SLIT3: variants seen among roughly 807,000 people sequenced by gnomAD.
SLIT3 encodes the protein slit homolog 3 protein.
In SLIT3, 68 loss-of-function variants were observed where a neutral mutation model predicts 184.0. That is an observed-to-expected ratio of 0.37 (90% confidence interval 0.30 to 0.45). The LOEUF (loss-of-function observed/expected upper bound fraction) is 0.45, where lower values mean the gene tolerates loss of function less well. SLIT3 is among the 20% of genes least tolerant of loss of function. The pLI is 1.00. For missense variants in SLIT3, 1,707 were observed against 2,026.0 expected (o/e 0.84, Z 3.02); for synonymous variants, 831 against 828.6 (o/e 1.00, Z -0.05).
intron 20 of SLIT3, among the ~76,000 whole-genome samples, chr5:168,726,255 G>A (rs1160738928): frequency 1.1e-4 from 16 of 151,064 alleles, no homozygotes; most frequent in Non-Finnish European, 1.5e-4. Context: ...TTTATTGAAC[G>A]ATTATGATGT....
At chr5:168,822,128 G>T (rs1242358373) in intron 7 of SLIT3, among the ~76,000 whole-genome samples, 1 of 152,162 alleles carries the variant, frequency 6.6e-6, no homozygotes, top group African/African-American at 2.4e-5. Context: ...GATGCTGCTG[G>T]TCTAGGGACC....
chr5:169,176,840 G>C (rs1433080752), intron 4 of SLIT3, among the ~76,000 whole-genome samples: 1 of 152,158 alleles, frequency 6.6e-6, no homozygotes, highest in East Asian at 1.9e-4. Flanking sequence ...AGCTGGTGAA[G>C]AACATGCCCC....
chr5:169,193,445 C>G, intron 4 of SLIT3, 34 bp downstream of exon 4: 2 of 1,590,096 alleles, frequency 1.3e-6, no homozygotes, highest in Non-Finnish European at 1.7e-6. Flanking sequence ...CCAGGCAAGG[C>G]ACAAGGTAGA....
At chr5:168,844,255 G>T (rs1403054937) in intron 6 of SLIT3, among the ~76,000 whole-genome samples, 1 of 152,124 alleles carries the variant, frequency 6.6e-6, no homozygotes, top group Non-Finnish European at 1.5e-5. Flanking sequence ...GCTCTGGGGG[G>T]TTCTGCTCCA....
Position 168,884,665 on chromosome 5 carries a change from G to A in SLIT3, c.414-1329C>T, listed in dbSNP as rs890978543. 4.1e-5 allele frequency among the ~76,000 whole-genome samples: 6 copies of A among 147,524 alleles called. No homozygotes were observed. In the Admixed American group the frequency reaches 4.1e-4, roughly 10 times the overall value. On this transcript the variant is annotated intron_variant, in intron 4 of 35. Transcript: ENST00000519560. Reference sequence around the variant, plus strand: ...TGCTATATTGAGAACATCTGTCCCTGTCATTAATAGTGCATTGATATCAAC... The same window carrying A: ...TGCTATATTGAGAACATCTGTCCCTATCATTAATAGTGCATTGATATCAAC...
At chr5:169,263,779 C>T (rs577795571) in intron 1 of SLIT3, 8 of 468,690 alleles carry the variant, frequency 1.7e-5, no homozygotes, top group South Asian at 1.3e-4. Context: ...GATCATTTAC[C>T]CTCTCTCTGC....
chr5:169,276,478 G>A (rs1023488787), intron 1 of SLIT3, among the ~76,000 whole-genome samples: 1 of 152,146 alleles, frequency 6.6e-6, no homozygotes, highest in Admixed American at 6.5e-5. Context: ...AAGAGTCGCC[G>A]GGATGCCCTT....
intron 4 of SLIT3, among the ~76,000 whole-genome samples, chr5:169,061,852 T>C (rs1758183105): frequency 6.6e-6 from 1 of 152,036 alleles, no homozygotes; most frequent in Admixed American, 6.6e-5. Flanking sequence ...AAGATCATGA[T>C]GATAGAATCA....
chr5:168,912,936 C>T (rs757436777), intron 4 of SLIT3, among the ~76,000 whole-genome samples: 7 of 152,146 alleles, frequency 4.6e-5, no homozygotes, highest in African/African-American at 1.2e-4. Flanking sequence ...ACAGCTCATT[C>T]GGCTTAGGTA....
At chr5:169,099,884 G>T (rs1484709338) in intron 4 of SLIT3, among the ~76,000 whole-genome samples, 2 of 152,230 alleles carry the variant, frequency 1.3e-5, no homozygotes, top group African/African-American at 4.8e-5. Flanking sequence ...AAGGCAAGGA[G>T]GGCATCTGCC....
intron 4 of SLIT3, among the ~76,000 whole-genome samples, chr5:168,946,236 A>G (rs1762480198): frequency 6.6e-6 from 1 of 152,138 alleles, no homozygotes; most frequent in Non-Finnish European, 1.5e-5. Context: ...GAACCTATCC[A>G]AGGGCCTGAG....
intron 3 of SLIT3, among the ~76,000 whole-genome samples, chr5:169,234,241 G>A (rs1765112255): frequency 6.6e-6 from 1 of 152,088 alleles, no homozygotes; most frequent in Admixed American, 6.6e-5. Flanking sequence ...GCCAACATAG[G>A]GAAAGAGTAC....
chr5:169,115,419 T>C (rs946175840), intron 4 of SLIT3, among the ~76,000 whole-genome samples: 16 of 152,220 alleles, frequency 1.1e-4, no homozygotes, highest in Non-Finnish European at 1.9e-4. Flanking sequence ...CTTTCTTTCC[T>C]AAATGTAGGC....
chr5:168,733,287 A>G (rs149011094), intron 20 of SLIT3, among the ~76,000 whole-genome samples: 1 of 152,312 alleles, frequency 6.6e-6, no homozygotes, highest in African/African-American at 2.4e-5. Flanking sequence ...TCTAAAAACA[A>G]CAGATTTTTG....
intron 4 of SLIT3, among the ~76,000 whole-genome samples, chr5:169,060,763 C>A (rs1404559113): frequency 6.6e-6 from 1 of 152,210 alleles, no homozygotes; most frequent in Non-Finnish European, 1.5e-5. Context: ...TGAGAGAATG[C>A]TCATTGGGCT....
chr5:168,844,731 G>A lies in SLIT3; in HGVS notation c.486-76C>T, dbSNP rs1043331184. On this transcript the variant is annotated intron_variant, in intron 5 of 35. Transcript: ENST00000519560. ...GGCCGGCGGCCCAGGCCACCCGAGC[G>A]CCTGTCCCTCCACCCCCTTGCAGGC... The A allele has an allele frequency of 1.0e-5, 14 of 1,386,900 alleles. No individual in the cohort carries two copies. The East Asian group carries it at 1.2e-4, about 11-fold the overall frequency. The allele number at this position is 1,386,900 out of a possible 1,614,324, so 85.9% of individuals were successfully genotyped here.
intron 5 of SLIT3, among the ~76,000 whole-genome samples, chr5:168,880,088 G>A (rs1013631157): frequency 6.6e-6 from 1 of 152,180 alleles, no homozygotes; most frequent in African/African-American, 2.4e-5. Flanking sequence ...CCCAGGGACT[G>A]CTTACTTTGG....
intron 4 of SLIT3, among the ~76,000 whole-genome samples, chr5:169,098,438 T>C (rs533915830): frequency 2.0e-5 from 3 of 152,328 alleles, no homozygotes; most frequent in African/African-American, 7.2e-5. Flanking sequence ...TAAGGAGAGA[T>C]GATTTTTATA....
At chr5:169,049,962 G>A (rs1160811852) in intron 4 of SLIT3, among the ~76,000 whole-genome samples, 1 of 152,094 alleles carries the variant, frequency 6.6e-6, no homozygotes, top group Non-Finnish European at 1.5e-5. Flanking sequence ...TTGGACACTG[G>A]TTTCTGGGTA....
Sources: allele counts gnomAD v4.1 joint callset (sites outside exome capture counted in the v4.1 genomes callset), GRCh38; gene constraint gnomAD v4.1.1; transcripts MANE v1.5; gene names NCBI Gene and HGNC (gene_info 2026-07-23, HGNC 2026-07-21).